The following NSD1 variants were observed in gnomAD, a reference collection of about 807,000 sequenced individuals.
NSD1 encodes nuclear receptor binding SET domain protein 1, also known as histone-lysine N-methyltransferase, H3 lysine-36 specific.
NSD1 carries 26 observed loss-of-function variants against 242.7 expected under a neutral mutation model. That is an observed-to-expected ratio of 0.11 (90% CI 0.08 to 0.15). The LOEUF is 0.15. Ranked by LOEUF, NSD1 falls within the 10% of genes least tolerant of loss-of-function variation. NSD1 has a pLI of 1.00. For missense variants in NSD1, 2,495 were observed against 3,272.8 expected, an observed-to-expected ratio of 0.76 and a Z score of 5.80; for synonymous variants, 1,106 against 1,178.1, an observed-to-expected ratio of 0.94 and a Z score of 1.25.
chr5:177,137,253 C>T (rs1420839531), intron 2 of NSD1: 1 of 221,334 alleles, frequency 4.5e-6, no homozygotes, highest in Non-Finnish European at 8.7e-6. Context: ...GATTTTGTTT[C>T]TGCCCAAACA....
intron 2 of NSD1, among the ~76,000 whole-genome samples, chr5:177,191,131 C>T (rs1024564272): frequency 1.1e-4 from 16 of 151,874 alleles, no homozygotes; most frequent in East Asian, 5.8e-4. Context: ...CTAACACCCC[C>T]GGCTAATTTT....
rs144075302 is a variant in NSD1, at chr5:177,233,392, A to T, written c.3797-2429A>T. Among the ~76,000 whole-genome samples the T allele has an allele frequency of 3.5e-4, 53 of 151,396 alleles. No individual in the cohort carries two copies. In the East Asian group the frequency reaches 9.9e-3, roughly 28 times the overall value. On this transcript the variant is annotated intron_variant, in intron 5 of 22. Transcript: ENST00000439151. ...CCCCAAGGCATAAATTTTTTTTTTT[A>T]AAGTTTGGCTCTGTCACCCAGCCTG...
chr5:177,268,819 A>G (rs1000005820), intron 15 of NSD1, among the ~76,000 whole-genome samples: 1 of 152,144 alleles, frequency 6.6e-6, no homozygotes, highest in Admixed American at 6.5e-5. Flanking sequence ...TCATCATAGT[A>G]TTGTATAGTG....
intron 17 of NSD1, among the ~76,000 whole-genome samples, chr5:177,279,961 ATATTTTATTT>A (rs571980602): frequency 0.021 from 2,959 of 140,036 alleles, 90 homozygotes; most frequent in East Asian, 0.13. Flanking sequence ...TTTAAAGTTC[ATATTTTATTT>A]TATTTTATTT....
intron 2 of NSD1, among the ~76,000 whole-genome samples, chr5:177,168,392 C>T (rs1759388758): frequency 6.8e-6 from 1 of 146,844 alleles, no homozygotes; most frequent in Admixed American, 6.8e-5. Context: ...GTGTGTCTTT[C>T]TTTTGGATCC....
At chr5:177,248,906 T>C (rs994020200) in intron 11 of NSD1, among the ~76,000 whole-genome samples, 3 of 152,170 alleles carry the variant, frequency 2.0e-5, no homozygotes, top group Non-Finnish European at 4.4e-5. Flanking sequence ...AGAGGATAAA[T>C]AGCTTGTTTA....
chr5:177,270,758 T>G (rs1318763154), intron 16 of NSD1, among the ~76,000 whole-genome samples: 2 of 152,160 alleles, frequency 1.3e-5, no homozygotes, highest in South Asian at 4.1e-4. Context: ...AACTTCCTGG[T>G]TAGGGAATGG....
intron 4 of NSD1, among the ~76,000 whole-genome samples, chr5:177,204,563 G>C (rs1169416233): frequency 6.6e-6 from 1 of 152,144 alleles, no homozygotes; most frequent in African/African-American, 2.4e-5. Context: ...TGTTGGCCAG[G>C]TTGGTCTTGA....
intron 6 of NSD1, among the ~76,000 whole-genome samples, chr5:177,236,278 CTTAT>C (rs1446177245): frequency 2.6e-5 from 4 of 152,076 alleles, no homozygotes; most frequent in South Asian, 4.2e-4. Context: ...GTAAATATAT[CTTAT>C]TTGTCTTATT....
intron 14 of NSD1, chr5:177,266,655 G>A: frequency 2.5e-6 from 1 of 396,154 alleles, no homozygotes. Flanking sequence ...AGGATTTTAA[G>A]AGGTGAAAGA....
Position 177,210,617 on chromosome 5 carries a change from C to T in NSD1, c.2218C>T (p.His740Tyr), listed in dbSNP as rs752771282. The T allele has an allele frequency of 1.9e-6, 3 of 1,614,100 alleles. No individual in the cohort carries two copies. The highest frequency in any genetic ancestry group is 3.3e-5 in the Admixed American group (2 of 60,004). The change falls in exon 5 of 23, where the codon CAC (histidine) becomes TAC (tyrosine). Residue 740 changes from histidine to tyrosine, a missense_variant. His to Tyr is a moderately conservative substitution (Grantham distance 83). Coordinates refer to ENST00000439151, the MANE Select transcript of NSD1 (RefSeq NM_022455.5). Reference protein sequence around the residue: ...LSDLKASTLVHKPQSDFTNDA... With the variant: ...LSDLKASTLVYKPQSDFTNDA... ...TGATCTGAAGGCATCTACTCTTGTT[C>T]ACAAACCCCAGTCAGATTTTACAAA... is the stretch of plus-strand genomic sequence containing the variant.
chr5:177,291,665 A>C (rs1759840049), intron 21 of NSD1, among the ~76,000 whole-genome samples: 1 of 152,150 alleles, frequency 6.6e-6, no homozygotes, highest in Admixed American at 6.6e-5. Flanking sequence ...AAAATAAATA[A>C]ATTAATTAAC....
chr5:177,189,871 T>G (rs1429072998), intron 2 of NSD1, among the ~76,000 whole-genome samples: 1 of 152,200 alleles, frequency 6.6e-6, no homozygotes, highest in Non-Finnish European at 1.5e-5. Flanking sequence ...GTCTTTCCCA[T>G]CGATTCTTGG....
At chr5:177,256,484 C>T (rs951299336) in intron 12 of NSD1, among the ~76,000 whole-genome samples, 9 of 152,028 alleles carry the variant, frequency 5.9e-5, no homozygotes, top group Non-Finnish European at 1.0e-4. Flanking sequence ...AGTTTTGCCA[C>T]GTTGCCTGGG....
At chr5:177,235,348 AGATAACT>A (rs1765360694) in intron 5 of NSD1, among the ~76,000 whole-genome samples, 1 of 152,254 alleles carries the variant, frequency 6.6e-6, no homozygotes, top group East Asian at 1.9e-4. Context: ...CCCATCCCCA[AGATAACT>A]TATTATATAT....
chr5:177,268,059 GC>G (rs1426415220), intron 15 of NSD1, among the ~76,000 whole-genome samples: 1 of 150,186 alleles, frequency 6.7e-6, no homozygotes, highest in East Asian at 2.0e-4. Flanking sequence ...ACGCAGTTAT[GC>G]CCCCCACCAT....
intron 5 of NSD1, among the ~76,000 whole-genome samples, chr5:177,218,938 G>C (rs923201073): frequency 6.6e-6 from 1 of 151,188 alleles, no homozygotes; most frequent in African/African-American, 2.4e-5. Flanking sequence ...TATTTAATTT[G>C]ATATACTAGT....
At chr5:177,142,783 A>G (rs551729942) in intron 2 of NSD1, among the ~76,000 whole-genome samples, 46 of 152,254 alleles carry the variant, frequency 3.0e-4, no homozygotes, top group Admixed American at 1.6e-3. Context: ...CAAAATGAGA[A>G]ATACTGGGTC....
intron 2 of NSD1, among the ~76,000 whole-genome samples, chr5:177,149,162 T>C (rs779850217): frequency 6.6e-6 from 1 of 152,084 alleles, no homozygotes; most frequent in Non-Finnish European, 1.5e-5. Context: ...TTTGGTGTGG[T>C]CACTATTTTA....
Sources: allele counts gnomAD v4.1 joint callset (sites outside exome capture counted in the v4.1 genomes callset), GRCh38; gene constraint gnomAD v4.1.1; transcripts MANE v1.5; gene names NCBI Gene and HGNC (gene_info 2026-07-23, HGNC 2026-07-21).